The following MAML2 variants were observed in gnomAD, a reference collection of about 807,000 sequenced individuals.
The protein encoded by MAML2 is mastermind-like protein 2.
MAML2 carries 22 observed loss-of-function variants against 96.1 expected under a neutral mutation model. The observed-to-expected ratio is 0.23, with a 90% CI of 0.16 to 0.33. The LOEUF (loss-of-function observed/expected upper bound fraction) is 0.33, where lower values mean the gene tolerates loss of function less well. Ranked by LOEUF, MAML2 falls within the 10% of genes least tolerant of loss-of-function variation. The pLI is 1.00. For missense variants in MAML2, 1,367 were observed against 1,392.4 expected, an observed-to-expected ratio of 0.98 and a Z score of 0.29; for synonymous variants, 561 against 521.3, an observed-to-expected ratio of 1.08 and a Z score of -1.04.
chr11:96,185,994 G>A (rs1861570205), intron 1 of MAML2, among the ~76,000 whole-genome samples: 1 of 152,056 alleles, frequency 6.6e-6, no homozygotes, highest in South Asian at 2.1e-4. Flanking sequence ...AGACCTACTG[G>A]GTCAGAATCT....
At chr11:96,006,274 T>G (rs1165910802) in intron 2 of MAML2, among the ~76,000 whole-genome samples, 3 of 152,180 alleles carry the variant, frequency 2.0e-5, no homozygotes, top group Non-Finnish European at 4.4e-5. Context: ...GAAAATCAAG[T>G]TATTTACCAA....
intron 2 of MAML2, among the ~76,000 whole-genome samples, chr11:96,060,711 A>G (rs1475030492): frequency 2.0e-5 from 3 of 152,202 alleles, no homozygotes; most frequent in Non-Finnish European, 2.9e-5. Flanking sequence ...TTTCAATGCT[A>G]CTACTCCCTG....
chr11:96,331,393 C>T (rs1863852917), intron 1 of MAML2, among the ~76,000 whole-genome samples: 1 of 152,112 alleles, frequency 6.6e-6, no homozygotes, highest in African/African-American at 2.4e-5. Context: ...TATTAAAAAT[C>T]CTTAATCAAA....
rs1418398834 is a variant in MAML2, at chr11:96,210,941, C to T, written c.514-117424G>A. Among the ~76,000 whole-genome samples the T allele has an allele frequency of 2.0e-5, 3 of 152,032 alleles. No homozygotes were observed. In the East Asian group the frequency reaches 5.8e-4, roughly 29 times the overall value. On this transcript the variant is annotated intron_variant, in intron 1 of 4. Transcript: ENST00000524717. ...TCCTTTGTCTCTTCCTTTTCTGTGG[C>T]TTCATATATGCACTACTTCCATAAA...
chr11:95,993,261 C>G (rs191921422), intron 2 of MAML2, among the ~76,000 whole-genome samples: 1 of 150,970 alleles, frequency 6.6e-6, no homozygotes, highest in Non-Finnish European at 1.5e-5. Flanking sequence ...TGTAAGGTTA[C>G]AAGACATAAA....
At chr11:96,298,614 G>A (rs919085699) in intron 1 of MAML2, among the ~76,000 whole-genome samples, 5 of 151,694 alleles carry the variant, frequency 3.3e-5, no homozygotes, top group East Asian at 3.9e-4. Flanking sequence ...TCTGCTCTGC[G>A]TTAGGCATTG....
intron 4 of MAML2, among the ~76,000 whole-genome samples, chr11:95,983,423 A>C (rs2135702042): frequency 6.6e-6 from 1 of 152,304 alleles, no homozygotes; most frequent in African/African-American, 2.4e-5. Context: ...AGAAAAAGCT[A>C]GACAGAAGAT....
intron 1 of MAML2, among the ~76,000 whole-genome samples, chr11:96,195,048 C>T (rs12788404): frequency 0.24 from 36,725 of 152,084 alleles, 4,757 homozygotes; most frequent in Non-Finnish European, 0.29. Flanking sequence ...AAGAGCTAAG[C>T]ATTTTGAACA....
chr11:96,223,045 G>T (rs993513577), intron 1 of MAML2, among the ~76,000 whole-genome samples: 2 of 151,976 alleles, frequency 1.3e-5, no homozygotes, highest in Admixed American at 6.6e-5. Flanking sequence ...CATTTTTGAT[G>T]AAAATAAATT....
intron 1 of MAML2, among the ~76,000 whole-genome samples, chr11:96,180,271 CT>C (rs1218831776): frequency 3.3e-5 from 5 of 152,336 alleles, no homozygotes; most frequent in African/African-American, 1.2e-4. Flanking sequence ...ACTCCTCCCC[CT>C]GAGAGGTGGG....
chr11:96,015,195 G>A (rs1299770504), intron 2 of MAML2, among the ~76,000 whole-genome samples: 1 of 152,168 alleles, frequency 6.6e-6, no homozygotes, highest in Non-Finnish European at 1.5e-5. Flanking sequence ...TTGATCTAAA[G>A]TGGTGGTAAA....
chr11:96,122,549 TG>T (rs1262769503), intron 1 of MAML2, among the ~76,000 whole-genome samples: 1 of 151,934 alleles, frequency 6.6e-6, no homozygotes, highest in Non-Finnish European at 1.5e-5. Flanking sequence ...CGTGCATGTT[TG>T]TGTATGAGAT....
At chr11:96,084,978 C>T (rs1859584779) in intron 2 of MAML2, among the ~76,000 whole-genome samples, 1 of 152,178 alleles carries the variant, frequency 6.6e-6, no homozygotes, top group South Asian at 2.1e-4. Flanking sequence ...CTTTCATCAT[C>T]GAGGATCTTG....
rs117034725 is a variant in MAML2, at chr11:96,330,957, G to A, written c.513+10426C>T. ...ACAAAGGGGCGTGTGGGGTGGAAGG[G>A]ATCATTGTGATCATTTAAAAAGCCA... On this transcript the variant is annotated intron_variant, in intron 1 of 4. Coordinates refer to ENST00000524717, the MANE Select transcript of MAML2 (RefSeq NM_032427.4). 4.0e-4 allele frequency among the ~76,000 whole-genome samples: 61 copies of A among 152,250 alleles called. 1 individual carries two copies. In the East Asian group the frequency reaches 0.012, roughly 29 times the overall value.
intron 1 of MAML2, among the ~76,000 whole-genome samples, chr11:96,170,936 G>A (rs1472473970): frequency 2.0e-5 from 3 of 151,922 alleles, no homozygotes; most frequent in South Asian, 2.1e-4. Context: ...GGATGGTCTC[G>A]ATCTCCTGAC....
At chr11:96,163,605 A>C (rs1438609133) in intron 1 of MAML2, among the ~76,000 whole-genome samples, 1 of 152,204 alleles carries the variant, frequency 6.6e-6, no homozygotes, top group African/African-American at 2.4e-5. Flanking sequence ...CATCTTCTCC[A>C]CTAAATAGTT....
At chr11:96,068,438 TCACACACACACACACACACACACA>T (rs10522513) in intron 2 of MAML2, among the ~76,000 whole-genome samples, 1 of 120,292 alleles carries the variant, frequency 8.3e-6, no homozygotes, top group African/African-American at 3.0e-5. Context: ...GGAGCTTACT[TCACACACACACACACACACACACA>T]CACACACACA....
At chr11:95,981,441 A>T (rs1857735702) in intron 4 of MAML2, among the ~76,000 whole-genome samples, 4 of 152,232 alleles carry the variant, frequency 2.6e-5, no homozygotes. Context: ...ATACAGAGCT[A>T]AATACACATA....
At chr11:96,190,650 T>C (rs143293747) in intron 1 of MAML2, among the ~76,000 whole-genome samples, 2 of 152,224 alleles carry the variant, frequency 1.3e-5, no homozygotes, top group East Asian at 3.9e-4. Flanking sequence ...ATAGAAATGA[T>C]CTCAACAAAC....
Sources: allele counts gnomAD v4.1 joint callset (sites outside exome capture counted in the v4.1 genomes callset), GRCh38; gene constraint gnomAD v4.1.1; transcripts MANE v1.5; gene names NCBI Gene and HGNC (gene_info 2026-07-23, HGNC 2026-07-21).